RPH3A: variants seen among roughly 807,000 people sequenced by gnomAD.
The protein encoded by RPH3A is rabphilin-3A.
Under a neutral mutation model 102.2 loss-of-function variants are expected in RPH3A, and 48 were observed. The observed-to-expected ratio is 0.47, with a 90% CI of 0.37 to 0.60. The LOEUF is 0.60. Among genes scored for constraint, RPH3A ranks in the 20% least tolerant of loss-of-function variants. The pLI, the probability that RPH3A is intolerant of heterozygous loss-of-function variation, is 0.00. For missense variants in RPH3A, 781 were observed against 910.1 expected, an observed-to-expected ratio of 0.86 and a Z score of 1.83; for synonymous variants, 310 against 324.3, an observed-to-expected ratio of 0.96 and a Z score of 0.47.
chr12:112,582,291 G>T (rs1451600114), intron 1 of RPH3A, among the ~76,000 whole-genome samples: 2 of 146,590 alleles, frequency 1.4e-5, no homozygotes, highest in Non-Finnish European at 3.0e-5. Flanking sequence ...TGTTACCCAG[G>T]TTGGAGTGCA....
chr12:112,605,540 C>A (rs945359206), intron 1 of RPH3A, among the ~76,000 whole-genome samples: 1 of 152,226 alleles, frequency 6.6e-6, no homozygotes, highest in Non-Finnish European at 1.5e-5. Context: ...GCCCATAGTT[C>A]TAGCTGGCTC....
intron 2 of RPH3A, among the ~76,000 whole-genome samples, chr12:112,824,899 T>C (rs1009327542): frequency 6.6e-6 from 1 of 152,202 alleles, no homozygotes; most frequent in Non-Finnish European, 1.5e-5. Context: ...TCAGAGTTCC[T>C]GGGAGGTGAT....
At chr12:112,680,968 T>A (rs1424310875) in intron 1 of RPH3A, among the ~76,000 whole-genome samples, 2 of 152,132 alleles carry the variant, frequency 1.3e-5, no homozygotes, top group African/African-American at 4.8e-5. Context: ...CCTTGCTTCT[T>A]CTTCTCGCAT....
chr12:112,600,191 G>T (rs2039548264), intron 1 of RPH3A, among the ~76,000 whole-genome samples: 1 of 152,122 alleles, frequency 6.6e-6, no homozygotes, highest in African/African-American at 2.4e-5. Context: ...TATAATTAGA[G>T]TCAGATTTTG....
intron 1 of RPH3A, among the ~76,000 whole-genome samples, chr12:112,686,429 T>G (rs1262818948): frequency 2.6e-5 from 4 of 152,164 alleles, no homozygotes; most frequent in Admixed American, 6.5e-5. Flanking sequence ...GTGGCTTGCT[T>G]TGGCCAATGA....
intron 1 of RPH3A, among the ~76,000 whole-genome samples, chr12:112,771,509 T>A (rs2040927432): frequency 6.6e-6 from 1 of 152,224 alleles, no homozygotes; most frequent in Non-Finnish European, 1.5e-5. Flanking sequence ...CTACAAACAA[T>A]GCTGCAATAA....
chr12:112,765,100 T>G (rs940055715), intron 1 of RPH3A, among the ~76,000 whole-genome samples: 5 of 152,196 alleles, frequency 3.3e-5, no homozygotes, highest in Admixed American at 1.3e-4. Context: ...AGACTCTGTA[T>G]TCACTAAAAG....
intron 1 of RPH3A, among the ~76,000 whole-genome samples, chr12:112,754,216 C>G (rs1255629094): frequency 2.6e-5 from 4 of 152,160 alleles, no homozygotes; most frequent in Non-Finnish European, 4.4e-5. Context: ...CTGTGTGATT[C>G]TAGACACACT....
In RPH3A at chr12:112,857,279, G is replaced by A. The variant is rs543553593; in HGVS notation, c.231-8135G>A. ...TGACTGATGGGGCAAAAATGTGGGCGTGGCAGGCAAAACAATGGCCTCCCC... is the reference window on the plus strand; with the variant it reads ...TGACTGATGGGGCAAAAATGTGGGCATGGCAGGCAAAACAATGGCCTCCCC... On this transcript the variant is annotated intron_variant, in intron 5 of 21. Transcript: ENST00000389385. 2.9e-3 allele frequency among the ~76,000 whole-genome samples: 437 copies of A among 152,232 alleles called. 4 individuals are homozygous for A. Among genetic ancestry groups the A allele is most frequent in the Non-Finnish European group, 4.7e-3 (318 of 68,010 alleles).
intron 5 of RPH3A, among the ~76,000 whole-genome samples, chr12:112,853,358 T>G (rs1241773001): frequency 6.6e-6 from 1 of 152,224 alleles, no homozygotes; most frequent in East Asian, 1.9e-4. Context: ...AACATATTTA[T>G]GCATGTGTCT....
chr12:112,830,380 T>C (rs1284807841), intron 3 of RPH3A, among the ~76,000 whole-genome samples: 4 of 152,162 alleles, frequency 2.6e-5, no homozygotes, highest in Admixed American at 2.0e-4. Flanking sequence ...TTTAATGGCA[T>C]TTTGGTTGGA....
intron 1 of RPH3A, among the ~76,000 whole-genome samples, chr12:112,604,728 G>A (rs2039583007): frequency 6.6e-6 from 1 of 152,212 alleles, no homozygotes; most frequent in African/African-American, 2.4e-5. Flanking sequence ...TAGTCAGAAT[G>A]TAGCAGGGGC....
upstream of RPH3A, among the ~76,000 whole-genome samples, chr12:112,789,201 C>A (rs2041071761): frequency 6.6e-6 from 1 of 152,120 alleles, no homozygotes; most frequent in Non-Finnish European, 1.5e-5. Flanking sequence ...TCCTATGTGC[C>A]TGGGACTGCC....
At chr12:112,866,241 C>G (rs926548397) in intron 6 of RPH3A, among the ~76,000 whole-genome samples, 1 of 152,146 alleles carries the variant, frequency 6.6e-6, no homozygotes, top group African/African-American at 2.4e-5. Context: ...CCAGTCAACT[C>G]GATAGCGAGA....
intron 2 of RPH3A, among the ~76,000 whole-genome samples, chr12:112,800,693 C>T (rs2041327053): frequency 6.6e-6 from 1 of 152,016 alleles, no homozygotes; most frequent in Non-Finnish European, 1.5e-5. Flanking sequence ...TGCGGGAGTG[C>T]AGACGGGCTT....
chr12:112,617,552 G>T (rs981806749), intron 1 of RPH3A, among the ~76,000 whole-genome samples: 5 of 152,334 alleles, frequency 3.3e-5, no homozygotes, highest in Non-Finnish European at 4.4e-5. Context: ...GTGAACAGCT[G>T]CTGTCCTCCA....
chr12:112,642,920 T>C (rs1370572316), intron 1 of RPH3A, among the ~76,000 whole-genome samples: 1 of 152,140 alleles, frequency 6.6e-6, no homozygotes, highest in Non-Finnish European at 1.5e-5. Flanking sequence ...TTTTTGGTTG[T>C]CTCAAATATG....
chr12:112,852,685 GCTGAGCACTTCTC>G (rs2042342402), intron 5 of RPH3A, among the ~76,000 whole-genome samples: 1 of 152,160 alleles, frequency 6.6e-6, no homozygotes, highest in Admixed American at 6.5e-5. Context: ...ACACGTGGCT[GCTGAGCACTTCTC>G]CTGAGCATAA....
Position 112,646,461 on chromosome 12 carries a change from C to T in RPH3A, c.-140+71142C>T, listed in dbSNP as rs545401189. On this transcript the variant is annotated intron_variant, in intron 1 of 21. Transcript: ENST00000543106. ...AAATACCTTTCTCTAAAAACCCTGG[C>T]AGACGTCCACTCACATCTCACAGGT... Among the ~76,000 whole-genome samples the T allele has an allele frequency of 2.6e-4, 40 of 152,292 alleles. No homozygotes were observed. The East Asian group carries it at 7.3e-3, about 28-fold the overall frequency.
Sources: allele counts gnomAD v4.1 joint callset (sites outside exome capture counted in the v4.1 genomes callset), GRCh38; gene constraint gnomAD v4.1.1; transcripts MANE v1.5; gene names NCBI Gene and HGNC (gene_info 2026-07-23, HGNC 2026-07-21).